MRM3: variants seen among roughly 807,000 people sequenced by gnomAD.
The protein encoded by MRM3 is mitochondrial rRNA methyltransferase 3.
MRM3 carries 26 observed loss-of-function variants against 29.4 expected under a neutral mutation model. The ratio of observed to expected loss-of-function variants is 0.89; its 90% confidence interval spans 0.65 to 1.23. The LOEUF is 1.23. Ranked by LOEUF, MRM3 falls within the 50% of genes most tolerant of loss-of-function variation. MRM3 has a pLI of 0.00. For missense variants in MRM3, 578 were observed against 540.2 expected, an observed-to-expected ratio of 1.07 and a Z score of -0.69; for synonymous variants, 225 against 219.0, an observed-to-expected ratio of 1.03 and a Z score of -0.24.
intron 1 of MRM3, 139 bp downstream of exon 1, chr17:782,831 GT>G: frequency 7.1e-6 from 7 of 988,598 alleles, no homozygotes; most frequent in Non-Finnish European, 1.0e-5. Context: ...CCGAATAAGC[GT>G]CTTTGGAATT....
chr17:787,985 C>T lies in MRM3; in HGVS notation c.580C>T (p.His194Tyr). The T allele has an allele frequency of 6.2e-7, 1 of 1,613,884 alleles. No homozygotes were observed. Among genetic ancestry groups the T allele is most frequent in the Non-Finnish European group, 8.5e-7 (1 of 1,180,018 alleles). Residue 194 changes from histidine (H) to tyrosine (Y), a missense_variant, in exon 3 of 4, where the codon CAT becomes TAT. Coordinates refer to ENST00000304478, the MANE Select transcript of MRM3 (RefSeq NM_018146.4). This position sits in a 1 kb window ranked among gnomAD's most constrained non-coding sequence, Gnocchi z 4.1. Reference protein sequence around the residue: ...GIMGIFAKPDHVKMTYPKTQL... With the variant: ...GIMGIFAKPDYVKMTYPKTQL... ...CTCAGGGATTTTTGCCAAGCCTGAC[C>T]ATGTTAAGATGACATATCCAAAGAC...
chr17:786,037 G>A (rs984947774), intron 2 of MRM3, among the ~76,000 whole-genome samples: 4 of 152,138 alleles, frequency 2.6e-5, no homozygotes, highest in South Asian at 2.1e-4. Flanking sequence ...TATCACATTG[G>A]GACAAATGGA....
rs1567799758 is a variant in MRM3, at chr17:787,104, T to G, written c.560-861T>G. ...TTAAAAATACAAAAAATTAGCCGGG[T>G]GTGGTTGCGGGTGCCTGTAATCCCA... On this transcript the variant is annotated intron_variant, in intron 2 of 3. Coordinates refer to ENST00000304478, the MANE Select transcript of MRM3 (RefSeq NM_018146.4). The surrounding 1 kb of genome is among the most constrained non-coding windows in gnomAD (Gnocchi z 4.1). Among the ~76,000 whole-genome samples, 1 of 151,776 alleles carries G rather than the reference T, an allele frequency of 6.6e-6. No individual in the cohort carries two copies. The highest frequency in any genetic ancestry group is 1.5e-5 in the Non-Finnish European group (1 of 67,974).
At position 792,006 on chromosome 17, in the gene MRM3, CGA is replaced by C. The variant is rs1567801901; in HGVS notation, c.1201_1202del (p.Glu401ArgfsTer25). On this transcript the variant is annotated frameshift_variant, in exon 4 of 4. Transcript: ENST00000304478. LOFTEE classifies it high-confidence loss of function. ...CCATGGCGGCAAGCATCCTGCTTTT[CGA>C]AGGGAAAAGACAGCTGCGGGGGAGG... is the stretch of plus-strand genomic sequence containing the variant. ...SAMAASILLF[E>X]GKRQLRGRAE... is the part of the protein sequence containing the mutation. The C allele has an allele frequency of 6.2e-7, 1 of 1,613,834 alleles. No homozygotes were observed. The highest frequency in any genetic ancestry group is 1.1e-5 in the South Asian group (1 of 91,076).
chr17:791,039 C>T (rs1049825499), intron 3 of MRM3, among the ~76,000 whole-genome samples: 30 of 152,314 alleles, frequency 2.0e-4, no homozygotes, highest in African/African-American at 6.7e-4. Context: ...ACCATGCTTG[C>T]AGTCCTTAGG....
At position 782,530 on chromosome 17, in the gene MRM3, A is replaced by T. The variant is rs772531207; in HGVS notation, c.152A>T (p.Lys51Met). ...CCTTCCGGAGAGGTGGTGGAACAGA[A>T]GCGCGCTCCTGGGAAGCAGCCCCGC... ...VFPSGEVVEQKRAPGKQPRKA... is the reference protein window; with the variant it reads ...VFPSGEVVEQMRAPGKQPRKA... Residue 51 changes from lysine (K) to methionine (M), a missense_variant, in exon 1 of 4, where the codon AAG becomes ATG. By Grantham distance (95) the Lys-to-Met change is moderately conservative. Transcript: ENST00000304478. 4.3e-6 allele frequency: 7 copies of T among 1,613,630 alleles called. No individual in the cohort carries two copies. The highest frequency in any genetic ancestry group is 5.9e-6 in the Non-Finnish European group (7 of 1,179,582).
At chr17:782,713 G>A (rs1910199621) in intron 1 of MRM3, 21 bp downstream of exon 1, 1 of 1,574,008 alleles carries the variant, frequency 6.4e-7, no homozygotes, top group African/African-American at 1.4e-5. Context: ...TCTTGAGCCT[G>A]TCGAATGTTC....
intron 2 of MRM3, 137 bp downstream of exon 2, chr17:783,464 G>A: frequency 1.2e-6 from 1 of 840,288 alleles, no homozygotes; most frequent in Non-Finnish European, 1.7e-6. Context: ...AGCCTCCGCA[G>A]TAGCTGGGAT....
At chr17:786,448 GT>G (rs1910538925) in intron 2 of MRM3, among the ~76,000 whole-genome samples, 1 of 151,928 alleles carries the variant, frequency 6.6e-6, no homozygotes, top group South Asian at 2.1e-4. Flanking sequence ...TAATTTTTTT[GT>G]TATTTTTAGT....
intron 2 of MRM3, among the ~76,000 whole-genome samples, chr17:786,889 A>T (rs1318644002): frequency 6.6e-6 from 1 of 152,192 alleles, no homozygotes; most frequent in East Asian, 1.9e-4. Flanking sequence ...TAACAGGGAA[A>T]AATTCAAATA....
In MRM3 at chr17:787,584, T is replaced by G. The variant is rs776348217; in HGVS notation, c.560-381T>G. 7.2e-5 allele frequency among the ~76,000 whole-genome samples: 11 copies of G among 152,154 alleles called. No individual in the cohort carries two copies. Among genetic ancestry groups the G allele is most frequent in the Non-Finnish European group, 1.3e-4 (9 of 68,018 alleles). ...TTCTTTTTGAGAGGGAGTCTCACTG[T>G]GTCGCCCAGGCTGGAGTGCAGTGGC... On this transcript the variant is annotated intron_variant, in intron 2 of 3. Coordinates refer to ENST00000304478, the MANE Select transcript of MRM3 (RefSeq NM_018146.4). This position sits in a 1 kb window ranked among gnomAD's most constrained non-coding sequence, Gnocchi z 4.1.
chr17:785,874 T>C (rs1191924797), intron 2 of MRM3, among the ~76,000 whole-genome samples: 3 of 152,228 alleles, frequency 2.0e-5, no homozygotes, highest in Admixed American at 1.3e-4. Flanking sequence ...TTTAAAAGCC[T>C]ACCTGGTAGG....
intron 2 of MRM3, among the ~76,000 whole-genome samples, chr17:785,017 T>G (rs1236985812): frequency 6.6e-6 from 1 of 152,210 alleles, no homozygotes; most frequent in African/African-American, 2.4e-5. Flanking sequence ...TCTCCTGACT[T>G]CAGTCAGTAG....
chr17:792,044 T>A lies in MRM3; in HGVS notation c.1238T>A (p.Leu413Ter), dbSNP rs749274570. 6.2e-7 allele frequency: 1 copy of A among 1,609,778 alleles called. No homozygotes were observed. The highest frequency in any genetic ancestry group is 1.7e-5 in the Admixed American group (1 of 59,774). The change falls in exon 4 of 4, where the codon TTG (leucine) becomes TAG (stop). Residue 413 changes from leucine to a stop codon, truncating the protein, a stop_gained. Transcript: ENST00000304478. LOFTEE classifies it high-confidence loss of function. Reference sequence around the variant, plus strand: ...CAGCTGCGGGGGAGGGCGGAGGACTTGAGCAGGGACAGGAGTTACCACTGA... The same window carrying A: ...CAGCTGCGGGGGAGGGCGGAGGACTAGAGCAGGGACAGGAGTTACCACTGA... ...KRQLRGRAED[L>*]SRDRSYH is the part of the protein sequence containing the mutation.
At chr17:783,476 A>C (rs1192132100) in intron 2 of MRM3, 149 bp downstream of exon 2, 1 of 731,238 alleles carries the variant, frequency 1.4e-6, no homozygotes, top group African/African-American at 1.8e-5. Context: ...AGCTGGGATT[A>C]CAGGCGTCTG....
chr17:789,928 C>G (rs1294175339), intron 3 of MRM3: 3 of 152,236 alleles, frequency 2.0e-5, no homozygotes, highest in African/African-American at 7.2e-5. Flanking sequence ...CCCCTCCAGG[C>G]AGAGGGGTCA....
Position 782,483 on chromosome 17 carries a change from G to C in MRM3, c.105G>C (p.Arg35=). 1.2e-6 allele frequency: 2 copies of C among 1,613,748 alleles called. No individual in the cohort carries two copies. Among genetic ancestry groups the C allele is most frequent in the South Asian group, 1.1e-5 (1 of 91,076 alleles). The part of the protein sequence containing the change: ...DARRWVRALR[R]SPVKVVFPSG... ...GGCGCTGGGTCCGGGCGCTGCGGCG[G>C]AGCCCAGTGAAAGTGGTGTTTCCTT... Residue 35 remains arginine (R), a synonymous_variant, in exon 1 of 4, where the codon CGG becomes CGC. Coordinates refer to ENST00000304478, the MANE Select transcript of MRM3 (RefSeq NM_018146.4).
chr17:782,726 G>C (rs1468661106), intron 1 of MRM3, 34 bp downstream of exon 1: 1 of 1,562,524 alleles, frequency 6.4e-7, no homozygotes, highest in Non-Finnish European at 8.7e-7. Context: ...GAATGTTCTC[G>C]TTTCCCTTCC....
chr17:791,088 C>T (rs1910799084), intron 3 of MRM3, among the ~76,000 whole-genome samples: 1 of 152,216 alleles, frequency 6.6e-6, no homozygotes, highest in Non-Finnish European at 1.5e-5. Flanking sequence ...GCTCTGTCCT[C>T]TGCCTGGGCC....
Sources: gnomAD v4.1 joint callset for allele counts (sites outside exome capture counted in the v4.1 genomes callset) on GRCh38, gnomAD v4.1.1 for gene constraint, Gnocchi (gnomAD v3.1) non-coding constraint, MANE v1.5 for transcripts, NCBI Gene and HGNC (gene_info 2026-07-23, HGNC 2026-07-21) for gene names.